The following MTHFD1L variants were observed in gnomAD, a reference collection of about 807,000 sequenced individuals.
MTHFD1L encodes monofunctional C1-tetrahydrofolate synthase, mitochondrial.
MTHFD1L carries 81 observed loss-of-function variants against 119.5 expected under a neutral mutation model. The ratio of observed to expected loss-of-function variants is 0.68; its 90% confidence interval spans 0.57 to 0.82. MTHFD1L has a LOEUF of 0.82. Among genes scored for constraint, MTHFD1L ranks in the 40% least tolerant of loss-of-function variants. The pLI is 0.00. For missense variants in MTHFD1L, 1,125 were observed against 1,253.4 expected (o/e 0.90, Z 1.55); for synonymous variants, 430 against 475.2 (o/e 0.90, Z 1.24).
chr6:150,926,078 A>G lies in MTHFD1L; in HGVS notation c.1083-44A>G. On this transcript the variant is annotated intron_variant, in intron 10 of 27. Transcript: ENST00000367321. This position sits in a 1 kb window ranked among gnomAD's most constrained non-coding sequence, Gnocchi z 4.3. ...TTTTCACTCCAGTTGTGACCACCTA[A>G]GCTGAGAAGCCTTTTCTCTCTTTCG... The G allele has an allele frequency of 6.4e-7, 1 of 1,568,682 alleles. No individual in the cohort carries two copies. The highest frequency in any genetic ancestry group is 1.2e-5 in the South Asian group (1 of 85,398).
chr6:150,928,352 C>T (rs1450980827), intron 11 of MTHFD1L, among the ~76,000 whole-genome samples: 5 of 141,434 alleles, frequency 3.5e-5, no homozygotes, highest in East Asian at 2.4e-4. Context: ...AGGAGAATGG[C>T]GTGAACCTGG....
chr6:150,932,755 C>G (rs567778781), intron 11 of MTHFD1L, among the ~76,000 whole-genome samples: 1 of 134,446 alleles, frequency 7.4e-6, no homozygotes, highest in East Asian at 2.0e-4. Flanking sequence ...GCAACAAGAG[C>G]GAAACTCCAT....
intron 22 of MTHFD1L, among the ~76,000 whole-genome samples, chr6:151,014,233 C>CT (rs1412727688): frequency 6.6e-6 from 1 of 152,060 alleles, no homozygotes; most frequent in Non-Finnish European, 1.5e-5. Context: ...AAGTGCCGTT[C>CT]TAAGAATCCG....
At chr6:150,935,157 G>A (rs1206009833) in intron 11 of MTHFD1L, 18 of 1,612,904 alleles carry the variant, frequency 1.1e-5, no homozygotes, top group Non-Finnish European at 1.4e-5. Flanking sequence ...GTAAGCTTGG[G>A]AAATTCTAAA....
intron 5 of MTHFD1L, among the ~76,000 whole-genome samples, chr6:150,883,924 C>G (rs1037870955): frequency 7.2e-5 from 11 of 152,072 alleles, no homozygotes; most frequent in African/African-American, 2.7e-4. Flanking sequence ...GAGGCTACCA[C>G]CTTCCTGAGA....
chr6:150,893,982 G>A (rs370991540), intron 7 of MTHFD1L, among the ~76,000 whole-genome samples: 68 of 152,252 alleles, frequency 4.5e-4, no homozygotes, highest in East Asian at 2.7e-3. Context: ...AGTGGTTCAC[G>A]CCTGTAATCC....
intron 26 of MTHFD1L, among the ~76,000 whole-genome samples, chr6:151,040,662 T>G (rs1343010499): frequency 6.6e-6 from 1 of 152,164 alleles, no homozygotes; most frequent in Non-Finnish European, 1.5e-5. Flanking sequence ...GCTATGATCA[T>G]ATCATTGCAC....
chr6:150,868,546 C>T (rs1242425225), intron 1 of MTHFD1L, among the ~76,000 whole-genome samples: 3 of 151,838 alleles, frequency 2.0e-5, no homozygotes, highest in Non-Finnish European at 2.9e-5. Context: ...ACCATGTTGG[C>T]CAGGCTGGTC....
chr6:151,077,812 C>T (rs976083889), intron 26 of MTHFD1L, among the ~76,000 whole-genome samples: 3 of 151,912 alleles, frequency 2.0e-5, no homozygotes, highest in Admixed American at 6.6e-5. Flanking sequence ...GCTTGTAATC[C>T]CAGCACTTTG....
intron 8 of MTHFD1L, among the ~76,000 whole-genome samples, chr6:150,910,954 A>G (rs751694775): frequency 2.0e-5 from 3 of 152,236 alleles, no homozygotes; most frequent in Non-Finnish European, 4.4e-5. Flanking sequence ...CATTATGCCA[A>G]AGCAATTGAT....
chr6:151,010,800 A>C (rs908037418), intron 21 of MTHFD1L, among the ~76,000 whole-genome samples: 1 of 152,228 alleles, frequency 6.6e-6, no homozygotes, highest in South Asian at 2.1e-4. Context: ...TAATATTCAC[A>C]TATGAGACGA....
At chr6:151,085,219 T>C (rs1344626161) in intron 26 of MTHFD1L, among the ~76,000 whole-genome samples, 1 of 151,888 alleles carries the variant, frequency 6.6e-6, no homozygotes, top group Non-Finnish European at 1.5e-5. Flanking sequence ...TAAAAACGAA[T>C]AGAAATTTAA....
intron 24 of MTHFD1L, among the ~76,000 whole-genome samples, chr6:151,032,872 G>A (rs1244867071): frequency 1.3e-5 from 2 of 152,152 alleles, no homozygotes; most frequent in Admixed American, 6.5e-5. Flanking sequence ...TGAAAAACAC[G>A]TTTTAAAGCA....
intron 10 of MTHFD1L, among the ~76,000 whole-genome samples, 179 bp from the exon 11 acceptor site, chr6:150,925,943 A>G (rs12213150): frequency 0.1 from 15,555 of 152,156 alleles, 946 homozygotes; most frequent in African/African-American, 0.17. Flanking sequence ...CTAAAATGAT[A>G]CACCATTTTC....
At chr6:151,005,629 C>T (rs985095174) in intron 20 of MTHFD1L, among the ~76,000 whole-genome samples, 2 of 152,028 alleles carry the variant, frequency 1.3e-5, no homozygotes, top group Non-Finnish European at 2.9e-5. Flanking sequence ...CAAAAATTAG[C>T]CGGGCATGAT....
chr6:151,055,521 C>CTTTTTTTTT (rs1335987382), intron 26 of MTHFD1L, among the ~76,000 whole-genome samples: 1 of 142,488 alleles, frequency 7.0e-6, no homozygotes, highest in African/African-American at 2.6e-5. Context: ...TGTGCTGAAT[C>CTTTTTTTTT]TTTTTTTTTT....
rs773145438 is a variant in MTHFD1L, at chr6:150,926,581, A to G, written c.1256+286A>G. Among the ~76,000 whole-genome samples, 9 of 152,108 alleles carry G rather than the reference A, an allele frequency of 5.9e-5. No homozygotes were observed. Among genetic ancestry groups the G allele is most frequent in the Non-Finnish European group, 1.0e-4 (7 of 68,024 alleles). ...GCTCCTCCTTGACTTTTTGAATTTC[A>G]TTTTTCATTATAAAAATCAAAATAG... On this transcript the variant is annotated intron_variant, in intron 11 of 27. Coordinates refer to ENST00000367321, the MANE Select transcript of MTHFD1L (RefSeq NM_015440.5). The surrounding 1 kb of genome is among the most constrained non-coding windows in gnomAD (Gnocchi z 4.3).
chr6:150,971,495 A>C (rs1157848018), intron 19 of MTHFD1L, among the ~76,000 whole-genome samples: 1 of 152,216 alleles, frequency 6.6e-6, no homozygotes, highest in African/African-American at 2.4e-5. Flanking sequence ...CACTGTGCCC[A>C]GCCAATTGTA....
chr6:150,890,143 C>T lies in MTHFD1L; in HGVS notation c.780+2162C>T, dbSNP rs185310335. 3.5e-4 allele frequency among the ~76,000 whole-genome samples: 53 copies of T among 151,686 alleles called. No individual in the cohort carries two copies. The East Asian group carries it at 8.7e-3, about 25-fold the overall frequency. ...TGTACTCCAGCCTGGGCAACAAGAA[C>T]GAAACTCCGTCTCAAAAAAATAATA... On this transcript the variant is annotated intron_variant, in intron 7 of 27. Transcript: ENST00000367321.
Sources: gnomAD v4.1 joint callset for allele counts (sites outside exome capture counted in the v4.1 genomes callset) on GRCh38, gnomAD v4.1.1 for gene constraint, Gnocchi (gnomAD v3.1) non-coding constraint, MANE v1.5 for transcripts, NCBI Gene and HGNC (gene_info 2026-07-23, HGNC 2026-07-21) for gene names.